NRXN1: variants seen among roughly 807,000 people sequenced by gnomAD.
NRXN1 encodes the protein neurexin-1.
A neutral mutation model predicts 150.9 loss-of-function variants in NRXN1; 39 were observed. The observed-to-expected ratio is 0.26, with a 90% CI of 0.20 to 0.34. NRXN1 has a LOEUF of 0.34. Ranked by LOEUF, NRXN1 falls within the 10% of genes least tolerant of loss-of-function variation. NRXN1 has a pLI of 1.00. For missense variants in NRXN1, 1,815 were observed against 1,949.9 expected (o/e 0.93, Z 1.30); for synonymous variants, 924 against 757.0 (o/e 1.22, Z -3.62).
At chr2:50,665,255 C>T (rs184582256) in intron 5 of NRXN1, among the ~76,000 whole-genome samples, 2 of 152,040 alleles carry the variant, frequency 1.3e-5, no homozygotes, top group East Asian at 3.9e-4. Flanking sequence ...ACACTATCTA[C>T]TATCTAAGAA....
chr2:50,894,409 G>C (rs1681598943), intron 5 of NRXN1, among the ~76,000 whole-genome samples: 1 of 150,156 alleles, frequency 6.7e-6, no homozygotes, highest in African/African-American at 2.4e-5. Context: ...TTCACTTTCA[G>C]CAAAAATGAT....
intron 11 of NRXN1, among the ~76,000 whole-genome samples, chr2:50,530,160 T>C (rs531279013): frequency 5.4e-4 from 82 of 152,318 alleles, no homozygotes; most frequent in African/African-American, 2.0e-3. Context: ...TTTTGACTCC[T>C]CTTATTTTGA....
At chr2:50,046,226 G>A (rs1691784492) in intron 21 of NRXN1, among the ~76,000 whole-genome samples, 1 of 152,202 alleles carries the variant, frequency 6.6e-6, no homozygotes, top group South Asian at 2.1e-4. Context: ...CAGCATTGCA[G>A]TGTGTGTAGT....
At chr2:50,479,868 G>A (rs527916637) in intron 15 of NRXN1, among the ~76,000 whole-genome samples, 1 of 138,542 alleles carries the variant, frequency 7.2e-6, no homozygotes, top group Non-Finnish European at 1.5e-5. Context: ...CCGCCTCCTG[G>A]GTTCAAGCAA....
rs568578790 is a variant in NRXN1 at position 50,445,938 on chromosome 2, C to T, written c.3364+19504G>A. ...GATAGGTCCTGAAACATGGTATTGACATTCTCAATTTCTTTATCTTTTTAA... is the reference window on the plus strand; with the variant it reads ...GATAGGTCCTGAAACATGGTATTGATATTCTCAATTTCTTTATCTTTTTAA... On this transcript the variant is annotated intron_variant, in intron 17 of 22. Transcript: ENST00000401669. 1.1e-4 allele frequency among the ~76,000 whole-genome samples: 16 copies of T among 152,202 alleles called. No individual in the cohort carries two copies. In the East Asian group the frequency reaches 3.1e-3, roughly 29 times the overall value.
intron 5 of NRXN1, among the ~76,000 whole-genome samples, chr2:50,718,673 AAAAGCTT>A (rs1696186914): frequency 6.6e-6 from 1 of 152,174 alleles, no homozygotes; most frequent in South Asian, 2.1e-4. Context: ...TTTCCAGCTC[AAAAGCTT>A]TTAAGAGACA....
At chr2:50,043,286 C>T (rs913943396) in intron 21 of NRXN1, among the ~76,000 whole-genome samples, 18 of 152,144 alleles carry the variant, frequency 1.2e-4, no homozygotes, top group African/African-American at 4.1e-4. Context: ...TCTCTTTGGA[C>T]AGTGGAAAGC....
At chr2:50,772,073 T>C (rs775819778) in intron 5 of NRXN1, among the ~76,000 whole-genome samples, 3 of 151,904 alleles carry the variant, frequency 2.0e-5, no homozygotes, top group Non-Finnish European at 2.9e-5. Flanking sequence ...GTGACTGGAG[T>C]ACTGCCTGCT....
chr2:50,673,616 T>C (rs1014507926), intron 5 of NRXN1, among the ~76,000 whole-genome samples: 1 of 152,130 alleles, frequency 6.6e-6, no homozygotes, highest in Non-Finnish European at 1.5e-5. Flanking sequence ...TTGCTTTATT[T>C]TGTTTTATTT....
intron 9 of NRXN1, among the ~76,000 whole-genome samples, chr2:50,540,191 C>T (rs1317456842): frequency 6.6e-6 from 1 of 152,152 alleles, no homozygotes; most frequent in Non-Finnish European, 1.5e-5. Flanking sequence ...CACTCAAAGG[C>T]ATTGCTATTT....
intron 18 of NRXN1, among the ~76,000 whole-genome samples, chr2:50,180,582 T>A (rs1185349082): frequency 6.6e-6 from 1 of 152,072 alleles, no homozygotes; most frequent in Non-Finnish European, 1.5e-5. Flanking sequence ...GGAGAAGGGT[T>A]CTGCCCCTCT....
In NRXN1 at chr2:50,346,826, T is replaced by C; in HGVS notation, c.3365-109856A>G. 6.2e-7 allele frequency: 1 copy of C among 1,611,906 alleles called. No homozygotes were observed. Among genetic ancestry groups the C allele is most frequent in the Non-Finnish European group, 8.5e-7 (1 of 1,179,454 alleles). Reference sequence around the variant, plus strand: ...CCCCACGCCACTCCTAGGAGGCCGCTGAGGGTGAGCGGGACTATCCAAAGC... The same window carrying C: ...CCCCACGCCACTCCTAGGAGGCCGCCGAGGGTGAGCGGGACTATCCAAAGC... On this transcript the variant is annotated intron_variant, in intron 17 of 22. Coordinates refer to ENST00000401669, the MANE Select transcript of NRXN1 (RefSeq NM_001330078.2). The surrounding 1 kb of genome is among the most constrained non-coding windows in gnomAD (Gnocchi z 5.0).
At chr2:50,650,235 G>C (rs1469585089) in intron 5 of NRXN1, among the ~76,000 whole-genome samples, 1 of 152,026 alleles carries the variant, frequency 6.6e-6, no homozygotes, top group Non-Finnish European at 1.5e-5. Context: ...CCCATGCTTT[G>C]TGATGCCAGA....
chr2:50,155,838 G>C (rs996866753), intron 18 of NRXN1, among the ~76,000 whole-genome samples: 3 of 151,328 alleles, frequency 2.0e-5, no homozygotes, highest in African/African-American at 7.3e-5. Context: ...ACAGTAGACT[G>C]AGCAAAAAAC....
Position 50,883,421 on chromosome 2 carries a change from C to CA in NRXN1, c.832+38447_832+38448insT, listed in dbSNP as rs555722451. On this transcript the variant is annotated intron_variant, in intron 5 of 22. Transcript: ENST00000401669. ...AGTTCACAACATTCAACATTTACAT[C>CA]TTTTTTTTTTTTTGCATTTTAAGTA... 4.9e-5 allele frequency among the ~76,000 whole-genome samples: 7 copies of CA among 144,042 alleles called. No homozygotes were observed. The Admixed American group carries it at 4.9e-4, about 10-fold the overall frequency. The allele number at this position is 144,042 out of a possible 152,430, so 94.5% of individuals were successfully genotyped here. A position where few individuals can be genotyped will look rare whatever the true frequency, so the allele number is the denominator to read the frequency against.
At chr2:50,337,372 A>G (rs1424998561) in intron 17 of NRXN1, among the ~76,000 whole-genome samples, 3 of 152,030 alleles carry the variant, frequency 2.0e-5, no homozygotes, top group African/African-American at 7.2e-5. Flanking sequence ...GGCGTGAGCC[A>G]CCGCACCTGG....
intron 5 of NRXN1, among the ~76,000 whole-genome samples, chr2:50,629,928 T>C (rs1215676630): frequency 1.1e-5 from 1 of 94,726 alleles, no homozygotes; most frequent in Non-Finnish European, 2.3e-5. Flanking sequence ...GATTAATGGA[T>C]TGATTCAAGA....
At chr2:49,965,009 CCT>C (rs942691154) in intron 21 of NRXN1, among the ~76,000 whole-genome samples, 1 of 151,786 alleles carries the variant, frequency 6.6e-6, no homozygotes, top group African/African-American at 2.4e-5. Context: ...CCTTCAGGCC[CCT>C]GACAGGTGCA....
chr2:50,353,714 G>C (rs12475081), intron 17 of NRXN1, among the ~76,000 whole-genome samples: 14,055 of 152,092 alleles, frequency 0.092, 841 homozygotes, highest in East Asian at 0.19. Context: ...AAGATAATGA[G>C]CTGCGATGTG....
Sources: allele counts gnomAD v4.1 joint callset (sites outside exome capture counted in the v4.1 genomes callset), GRCh38; gene constraint gnomAD v4.1.1; non-coding constraint Gnocchi (gnomAD v3.1); transcripts MANE v1.5; gene names NCBI Gene and HGNC (gene_info 2026-07-23, HGNC 2026-07-21).